Variants in CDK15 observed in about 807,000 individuals in gnomAD.
CDK15 encodes the protein cyclin-dependent kinase 15.
A neutral mutation model predicts 60.3 loss-of-function variants in CDK15; 62 were observed. The observed-to-expected ratio is 1.03, with a 90% CI of 0.84 to 1.27. The LOEUF is 1.27. Ranked by LOEUF, CDK15 falls within the 50% of genes most tolerant of loss-of-function variation. The pLI, the probability that CDK15 is intolerant of heterozygous loss-of-function variation, is 0.00. For synonymous variants in CDK15, 194 were observed against 195.7 expected (o/e 0.99, Z 0.07); for missense variants, 541 against 527.8 (o/e 1.03, Z -0.25).
Position 201,893,644 on chromosome 2 carries a change from A to T in CDK15, c.*377A>T, listed in dbSNP as rs1699701896. 6.6e-6 allele frequency: 1 copy of T among 152,208 alleles called. No homozygotes were observed. 9.4% of individuals were successfully genotyped at this position (152,208 alleles called of 1,614,324 possible). On this transcript the variant is annotated 3_prime_UTR_variant, in exon 14 of 14. Transcript: ENST00000652192. ...GACAGATAAGAGACTGACAATTTAA[A>T]AGAATCTGGAGACAGAGCTGGTGCT...
intron 3 of CDK15, 79 bp downstream of exon 3, chr2:201,808,031 A>G: frequency 8.0e-7 from 1 of 1,255,200 alleles, no homozygotes; most frequent in Non-Finnish European, 1.1e-6. Flanking sequence ...GCCAGGTGAG[A>G]CATCATAGAA....
In CDK15 at chr2:201,851,959, C is replaced by G. The variant is rs960532484; in HGVS notation, c.946-2915C>G. Among the ~76,000 whole-genome samples the G allele has an allele frequency of 5.3e-5, 8 of 152,202 alleles. No homozygotes were observed. The East Asian group carries it at 1.4e-3, about 26-fold the overall frequency. ...CAGGCGTGAGCCACCGTGCCCGGCC[C>G]TTTGCCCACTGTTTAATGGGGTTGT... On this transcript the variant is annotated intron_variant, in intron 9 of 13. Coordinates refer to ENST00000652192, the MANE Select transcript of CDK15 (RefSeq NM_001366386.2).
intron 9 of CDK15, among the ~76,000 whole-genome samples, chr2:201,854,003 T>TACA (rs540379173): frequency 1.1e-4 from 17 of 151,908 alleles, no homozygotes; most frequent in Admixed American, 3.3e-4. Flanking sequence ...CTACTAAAAA[T>TACA]ACAACAACAA....
chr2:201,825,731 C>G (rs1696454458), intron 6 of CDK15, among the ~76,000 whole-genome samples: 1 of 151,996 alleles, frequency 6.6e-6, no homozygotes, highest in African/African-American at 2.4e-5. Context: ...GAAGTTCTGC[C>G]AGACATGTGA....
At chr2:201,818,136 A>T (rs1205359241) in intron 4 of CDK15, among the ~76,000 whole-genome samples, 1 of 152,098 alleles carries the variant, frequency 6.6e-6, no homozygotes, top group East Asian at 1.9e-4. Context: ...ATGAGCACTT[A>T]TTGAGCACCA....
At chr2:201,813,701 G>C (rs766195143) in intron 4 of CDK15, among the ~76,000 whole-genome samples, 45 of 152,230 alleles carry the variant, frequency 3.0e-4, no homozygotes, top group Non-Finnish European at 2.4e-4. Context: ...ATTTTGAACT[G>C]AGCTTGGAAG....
intron 10 of CDK15, among the ~76,000 whole-genome samples, chr2:201,862,683 T>C (rs1480271746): frequency 1.3e-5 from 2 of 152,196 alleles, no homozygotes; most frequent in African/African-American, 4.8e-5. Flanking sequence ...ATGAGAGAGC[T>C]GAGGCTTTGA....
At position 201,861,409 on chromosome 2, in the gene CDK15, T is replaced by C. The variant is rs182840602; in HGVS notation, c.1009+6472T>C. ...AATCTGCATCCAAACCTTGTTCTCC[T>C]TTCATTAATCATGTTGTATCCCTCT... On this transcript the variant is annotated intron_variant, in intron 10 of 13. Transcript: ENST00000652192. The C allele has an allele frequency of 5.1e-6, 5 of 985,452 alleles. No individual in the cohort carries two copies. The East Asian group carries it at 3.4e-4, about 67-fold the overall frequency. The allele number at this position is 985,452 out of a possible 1,614,324, so 61.0% of individuals were successfully genotyped here. A position where few individuals can be genotyped will look rare whatever the true frequency, so the allele number is the denominator to read the frequency against.
chr2:201,836,582 C>A (rs1697099992), intron 8 of CDK15, among the ~76,000 whole-genome samples: 1 of 151,910 alleles, frequency 6.6e-6, no homozygotes, highest in Middle Eastern at 3.4e-3. Flanking sequence ...TGCACCACTG[C>A]ACCCTGGCAA....
Position 201,883,436 on chromosome 2 carries a change from G to A in CDK15, c.1198+3269G>A, listed in dbSNP as rs371748495. Among the ~76,000 whole-genome samples the A allele has an allele frequency of 7.2e-5, 11 of 152,278 alleles. 1 individual carries two copies. The South Asian group carries it at 2.3e-3, about 32-fold the overall frequency. ...TATTTTCATGACGCTGAGAAGTCCCGAACAATGCTTTCCCTAGGTTGTGGC... is the reference window on the plus strand; with the variant it reads ...TATTTTCATGACGCTGAGAAGTCCCAAACAATGCTTTCCCTAGGTTGTGGC... On this transcript the variant is annotated intron_variant, in intron 12 of 13. Transcript: ENST00000652192.
intron 8 of CDK15, among the ~76,000 whole-genome samples, chr2:201,835,991 TTTATATA>T (rs1251489607): frequency 7.9e-5 from 2 of 25,306 alleles, no homozygotes; most frequent in Non-Finnish European, 2.1e-4. Flanking sequence ...TTTTTATATA[TTTATATA>T]TATTTATATT....
intron 10 of CDK15, among the ~76,000 whole-genome samples, chr2:201,862,133 G>A (rs1176918689): frequency 6.6e-6 from 1 of 152,144 alleles, no homozygotes; most frequent in Non-Finnish European, 1.5e-5. Flanking sequence ...TTCTTATTTG[G>A]TGATGGGTCC....
intron 3 of CDK15, 22 bp downstream of exon 3, chr2:201,807,974 G>A (rs1366852743): frequency 6.3e-7 from 1 of 1,589,450 alleles, no homozygotes; most frequent in Non-Finnish European, 8.6e-7. Context: ...ATAGCTGGGA[G>A]AGACTTTAGA....
intron 11 of CDK15, among the ~76,000 whole-genome samples, chr2:201,879,502 C>G (rs1043252695): frequency 9.9e-5 from 15 of 152,190 alleles, no homozygotes; most frequent in Non-Finnish European, 2.2e-4. Context: ...GCCTCAGCCT[C>G]CTGAGTAGCT....
At chr2:201,884,364 C>T (rs769047551) in intron 12 of CDK15, among the ~76,000 whole-genome samples, 1 of 152,208 alleles carries the variant, frequency 6.6e-6, no homozygotes, top group Non-Finnish European at 1.5e-5. Context: ...TGCAAAAATG[C>T]TGTACCACAG....
intron 4 of CDK15, among the ~76,000 whole-genome samples, chr2:201,817,583 A>G (rs566909179): frequency 1.6e-4 from 25 of 152,342 alleles, no homozygotes; most frequent in African/African-American, 6.0e-4. Flanking sequence ...AAAACATTAC[A>G]AAGTAATGAT....
chr2:201,883,735 C>T (rs1479392444), intron 12 of CDK15, among the ~76,000 whole-genome samples: 1 of 152,234 alleles, frequency 6.6e-6, no homozygotes, highest in African/African-American at 2.4e-5. Context: ...CAGGGAGTCG[C>T]TCTTCCCACT....
At chr2:201,874,313 G>A (rs1342085943) in intron 11 of CDK15, among the ~76,000 whole-genome samples, 3 of 152,170 alleles carry the variant, frequency 2.0e-5, no homozygotes, top group African/African-American at 7.2e-5. Flanking sequence ...CATTGGCAGC[G>A]TTAGCCTGGA....
intron 6 of CDK15, among the ~76,000 whole-genome samples, chr2:201,828,608 G>A (rs781150072): frequency 6.6e-6 from 1 of 152,146 alleles, no homozygotes; most frequent in Non-Finnish European, 1.5e-5. Context: ...AATTTATTGT[G>A]GGTATATGGA....
Sources: allele counts gnomAD v4.1 joint callset (sites outside exome capture counted in the v4.1 genomes callset), GRCh38; gene constraint gnomAD v4.1.1; transcripts MANE v1.5; gene names NCBI Gene and HGNC (gene_info 2026-07-23, HGNC 2026-07-21).